The following HCN1 variants were observed in gnomAD, a reference collection of about 807,000 sequenced individuals.
HCN1 encodes the protein hyperpolarization activated cyclic nucleotide gated potassium channel 1.
Under a neutral mutation model 78.9 loss-of-function variants are expected in HCN1, and 13 were observed. That is an observed-to-expected ratio of 0.16 (90% CI 0.11 to 0.26). The LOEUF is 0.26. HCN1 is among the 10% of genes least tolerant of loss of function. HCN1 has a pLI of 1.00. For missense variants in HCN1, 810 were observed against 1,154.3 expected, an observed-to-expected ratio of 0.70 and a Z score of 4.32; for synonymous variants, 552 against 455.5, an observed-to-expected ratio of 1.21 and a Z score of -2.70.
At chr5:45,597,095 C>G (rs1744517198) in intron 2 of HCN1, among the ~76,000 whole-genome samples, 1 of 152,096 alleles carries the variant, frequency 6.6e-6, no homozygotes, top group South Asian at 2.1e-4. Context: ...ATACCAAAGC[C>G]TAGCAGAGAC....
intron 1 of HCN1, among the ~76,000 whole-genome samples, chr5:45,654,019 T>A (rs1043292413): frequency 6.6e-6 from 1 of 152,132 alleles, no homozygotes; most frequent in African/African-American, 2.4e-5. Context: ...GGTAGAATTA[T>A]GATGCACGTT....
intron 2 of HCN1, among the ~76,000 whole-genome samples, chr5:45,501,682 C>T (rs958808160): frequency 1.1e-4 from 16 of 152,216 alleles, no homozygotes; most frequent in Admixed American, 5.9e-4. Flanking sequence ...CCGGGAGATC[C>T]GCACGCCTCG....
chr5:45,411,282 T>C (rs1189576563), intron 3 of HCN1, among the ~76,000 whole-genome samples: 2 of 152,030 alleles, frequency 1.3e-5, no homozygotes, highest in Non-Finnish European at 2.9e-5. Flanking sequence ...GATTTGGAAA[T>C]CTGTTAGCAA....
chr5:45,540,165 T>C (rs1743071090), intron 2 of HCN1, among the ~76,000 whole-genome samples: 1 of 151,776 alleles, frequency 6.6e-6, no homozygotes, highest in African/African-American at 2.4e-5. Context: ...AATGCTCGAG[T>C]TTCAACTGCT....
intron 2 of HCN1, among the ~76,000 whole-genome samples, chr5:45,639,425 T>C (rs1745413348): frequency 6.6e-6 from 1 of 152,208 alleles, no homozygotes. Context: ...ATATGCTTCA[T>C]TTCATTTGAA....
chr5:45,324,332 G>A (rs538084526), intron 5 of HCN1, among the ~76,000 whole-genome samples: 1 of 152,062 alleles, frequency 6.6e-6, no homozygotes, highest in South Asian at 2.1e-4. Flanking sequence ...CCATCAAAAA[G>A]TGGGTGAAAG....
rs1381592186 is a variant in HCN1 at position 45,257,320 on chromosome 5, A to G, written c.*4601T>C. ...CTGTGAGACACTCCAGCTGCATTGAACTGCCAGTGTTCCCAATCAGCTGTG... is the reference window on the plus strand; with the variant it reads ...CTGTGAGACACTCCAGCTGCATTGAGCTGCCAGTGTTCCCAATCAGCTGTG... On this transcript the variant is annotated 3_prime_UTR_variant, in exon 8 of 8. Coordinates refer to ENST00000303230, the MANE Select transcript of HCN1 (RefSeq NM_021072.4). 6.6e-6 allele frequency: 1 copy of G among 152,140 alleles called. No individual in the cohort carries two copies. The highest frequency in any genetic ancestry group is 2.4e-5 in the African/African-American group (1 of 41,426). The allele number at this position is 152,140 out of a possible 1,614,324, so 9.4% of individuals were successfully genotyped here.
intron 2 of HCN1, among the ~76,000 whole-genome samples, chr5:45,603,511 T>G (rs1579994494): frequency 6.6e-6 from 1 of 152,156 alleles, no homozygotes; most frequent in African/African-American, 2.4e-5. Flanking sequence ...TGCAGGGAGC[T>G]TTTTTAATTT....
chr5:45,496,681 G>A (rs1561176919), intron 2 of HCN1, among the ~76,000 whole-genome samples: 1 of 152,070 alleles, frequency 6.6e-6, no homozygotes, highest in Non-Finnish European at 1.5e-5. Context: ...ATTTTTTGAA[G>A]GGTTTTTTGT....
chr5:45,410,947 T>A (rs1740009965), intron 3 of HCN1, among the ~76,000 whole-genome samples: 1 of 151,930 alleles, frequency 6.6e-6, no homozygotes, highest in African/African-American at 2.4e-5. Flanking sequence ...ATGTGTAGAC[T>A]CCTTGATCTC....
At chr5:45,367,375 C>A (rs544896847) in intron 4 of HCN1, among the ~76,000 whole-genome samples, 1 of 151,702 alleles carries the variant, frequency 6.6e-6, no homozygotes, top group African/African-American at 2.4e-5. Context: ...ACATACATGT[C>A]AACATACAGA....
At chr5:45,471,312 A>T (rs1741384851) in intron 2 of HCN1, among the ~76,000 whole-genome samples, 1 of 151,808 alleles carries the variant, frequency 6.6e-6, no homozygotes, top group African/African-American at 2.4e-5. Context: ...CAATATCCTG[A>T]CCTATTGCTC....
intron 3 of HCN1, among the ~76,000 whole-genome samples, chr5:45,413,056 T>C (rs2112058069): frequency 6.6e-6 from 1 of 152,170 alleles, no homozygotes; most frequent in East Asian, 1.9e-4. Context: ...TATTCTCTAA[T>C]CGATTATGGT....
chr5:45,349,128 G>C (rs1170830828), intron 5 of HCN1, among the ~76,000 whole-genome samples: 1 of 152,042 alleles, frequency 6.6e-6, no homozygotes, highest in Non-Finnish European at 1.5e-5. Context: ...TGGAAGTAAA[G>C]CTCTCCTCAG....
rs1206893567 is a variant in HCN1 at position 45,373,144 on chromosome 5, A to C, written c.1231-19898T>G. Among the ~76,000 whole-genome samples, 233 of 123,432 alleles carry C rather than the reference A, an allele frequency of 1.9e-3. 2 individuals are homozygous for C. Among genetic ancestry groups the C allele is most frequent in the African/African-American group, 7.0e-3 (228 of 32,770 alleles). 81.0% of individuals were successfully genotyped at this position (123,432 alleles called of 152,430 possible). On this transcript the variant is annotated intron_variant, in intron 4 of 7. Coordinates refer to ENST00000303230, the MANE Select transcript of HCN1 (RefSeq NM_021072.4). ...CATATATATAAAATATATAGTATATAATATATATAAAAATATATGTACTTT... is the reference window on the plus strand; with the variant it reads ...CATATATATAAAATATATAGTATATCATATATATAAAAATATATGTACTTT...
chr5:45,685,611 C>G (rs908505939), intron 1 of HCN1, among the ~76,000 whole-genome samples: 3 of 152,020 alleles, frequency 2.0e-5, no homozygotes, highest in African/African-American at 7.3e-5. Context: ...ACTTGGGAGG[C>G]TGAGGCAGGA....
intron 2 of HCN1, among the ~76,000 whole-genome samples, chr5:45,487,560 T>C (rs1159509101): frequency 6.6e-6 from 1 of 152,046 alleles, no homozygotes; most frequent in Non-Finnish European, 1.5e-5. Flanking sequence ...TTTGCCCCTG[T>C]GTGCACTTCA....
rs16902088 is a variant in HCN1, at chr5:45,285,995, T to C, written c.1618+17604A>G. Among the ~76,000 whole-genome samples the C allele has an allele frequency of 0.024, 3,592 of 152,014 alleles. 295 individuals carry two copies. The East Asian group carries it at 0.32, about 14-fold the overall frequency. On this transcript the variant is annotated intron_variant, in intron 6 of 7. Transcript: ENST00000303230. ...ACAAACACACACGGAAAATTTGTTT[T>C]TAAAGAACTTCAGAGTTAAGGAACT... is the stretch of plus-strand genomic sequence containing the variant.
intron 1 of HCN1, among the ~76,000 whole-genome samples, chr5:45,684,632 G>A (rs1003804591): frequency 2.0e-5 from 3 of 152,186 alleles, no homozygotes; most frequent in South Asian, 2.1e-4. Context: ...AGGCCAAGGT[G>A]GGTGGATTGC....
Sources: gnomAD v4.1 joint callset for allele counts (sites outside exome capture counted in the v4.1 genomes callset) on GRCh38, gnomAD v4.1.1 for gene constraint, MANE v1.5 for transcripts, NCBI Gene and HGNC (gene_info 2026-07-23, HGNC 2026-07-21) for gene names.